Variants in EVC2 observed in about 807,000 individuals in gnomAD.
EVC2 encodes the protein limbin.
Under a neutral mutation model 149.3 loss-of-function variants are expected in EVC2, and 148 were observed. The ratio of observed to expected loss-of-function variants is 0.99; its 90% CI spans 0.87 to 1.14. EVC2 has a LOEUF of 1.14. Among genes scored for constraint, EVC2 ranks in the 50% most tolerant of loss-of-function variants. The pLI is 0.00. For missense variants in EVC2, 1,854 were observed against 1,627.3 expected, an observed-to-expected ratio of 1.14 and a Z score of -2.40; for synonymous variants, 776 against 649.9, an observed-to-expected ratio of 1.19 and a Z score of -2.95.
chr4:5,591,242 C>A (rs1256796280), intron 16 of EVC2, among the ~76,000 whole-genome samples: 1 of 152,144 alleles, frequency 6.6e-6, no homozygotes, highest in East Asian at 1.9e-4. Flanking sequence ...TTCCTTTGCC[C>A]CTTTCTCTAA....
At chr4:5,624,132 A>G (rs2108841030) in intron 13 of EVC2, among the ~76,000 whole-genome samples, 1 of 152,304 alleles carries the variant, frequency 6.6e-6, no homozygotes, top group African/African-American at 2.4e-5. Flanking sequence ...AGGTTAAGAA[A>G]TGGGGAAAGA....
intron 7 of EVC2, among the ~76,000 whole-genome samples, chr4:5,676,085 G>A (rs1158121320): frequency 6.6e-6 from 1 of 152,164 alleles, no homozygotes. Context: ...CTGGTGCCCG[G>A]CACAGTACCC....
At chr4:5,673,015 T>A (rs1434999442) in intron 7 of EVC2, among the ~76,000 whole-genome samples, 1 of 152,148 alleles carries the variant, frequency 6.6e-6, no homozygotes, top group Non-Finnish European at 1.5e-5. Flanking sequence ...AAGTCACCAA[T>A]GGGTACCAAG....
At position 5,688,639 on chromosome 4, in the gene EVC2, C is replaced by G. The variant is rs1236897504; in HGVS notation, c.706+518G>C. Among the ~76,000 whole-genome samples, 3 of 152,142 alleles carry G rather than the reference C, an allele frequency of 2.0e-5. No individual in the cohort carries two copies. In the East Asian group the frequency reaches 5.8e-4, roughly 29 times the overall value. On this transcript the variant is annotated intron_variant, in intron 5 of 21. Transcript: ENST00000344408. ...CAACCAGTGAGGGTGGCAGAGTCTA[C>G]AAGCCAACCAAGCAGCCCTGGAGTT...
At chr4:5,599,332 C>T (rs934658426) in intron 16 of EVC2, among the ~76,000 whole-genome samples, 2 of 151,854 alleles carry the variant, frequency 1.3e-5, no homozygotes, top group African/African-American at 4.8e-5. Flanking sequence ...AAATGGCCAA[C>T]AATGATAGAC....
intron 16 of EVC2, among the ~76,000 whole-genome samples, chr4:5,590,836 T>C (rs561977518): frequency 1.3e-5 from 2 of 152,250 alleles, no homozygotes; most frequent in East Asian, 1.9e-4. Flanking sequence ...AGAAATTTAA[T>C]TGCCTCCCCA....
chr4:5,669,675 G>A (rs1469614519), intron 7 of EVC2, among the ~76,000 whole-genome samples: 1 of 152,202 alleles, frequency 6.6e-6, no homozygotes, highest in East Asian at 1.9e-4. Context: ...GGACAGGTGA[G>A]TCAGGCTACC....
intron 8 of EVC2, among the ~76,000 whole-genome samples, chr4:5,663,992 A>G (rs1377724493): frequency 6.6e-6 from 1 of 152,118 alleles, no homozygotes; most frequent in African/African-American, 2.4e-5. Flanking sequence ...AATAAGCCCA[A>G]CCCTCTGATT....
intron 10 of EVC2, among the ~76,000 whole-genome samples, chr4:5,635,432 T>C (rs887040162): frequency 2.0e-5 from 3 of 152,148 alleles, no homozygotes; most frequent in East Asian, 3.8e-4. Flanking sequence ...ATGCATCCTA[T>C]GGCTTCCAAC....
At chr4:5,563,800 C>T (rs1450766643) in intron 21 of EVC2, among the ~76,000 whole-genome samples, 1 of 152,118 alleles carries the variant, frequency 6.6e-6, no homozygotes, top group Non-Finnish European at 1.5e-5. Context: ...TATGAGTACA[C>T]CTATGAGCCT....
At position 5,694,425 on chromosome 4, in the gene EVC2, A is replaced by G; in HGVS notation, c.360T>C (p.Ser120=). The part of the protein sequence containing the change: ...FIPLSTSAAS[S]GPWAHSLFAF... ...CAAATAAGGAATGAGCCCATGGCCC[A>G]CTAGAGGCTGCAGAAGTTGAGAGTG... is the stretch of plus-strand genomic sequence containing the variant. The change falls in exon 3 of 22, where the codon AGT becomes AGC. Residue 120 remains serine, a synonymous_variant. Coordinates refer to ENST00000344408, the MANE Select transcript of EVC2 (RefSeq NM_147127.5). 1 of 1,614,182 alleles carries G rather than the reference A, an allele frequency of 6.2e-7. No homozygotes were observed. The highest frequency in any genetic ancestry group is 8.5e-7 in the Non-Finnish European group (1 of 1,180,022).
chr4:5,646,948 C>T (rs765635476), intron 9 of EVC2, among the ~76,000 whole-genome samples: 1 of 152,176 alleles, frequency 6.6e-6, no homozygotes, highest in Non-Finnish European at 1.5e-5. Flanking sequence ...GAAAATGACT[C>T]TTGGAACTGG....
chr4:5,620,946 A>C (rs1715643382), intron 14 of EVC2, among the ~76,000 whole-genome samples: 1 of 152,258 alleles, frequency 6.6e-6, no homozygotes, highest in Admixed American at 6.5e-5. Flanking sequence ...TGGGAATAAG[A>C]AATGACATTT....
At chr4:5,698,296 G>T (rs1008511291) in intron 1 of EVC2, among the ~76,000 whole-genome samples, 2 of 152,128 alleles carry the variant, frequency 1.3e-5, no homozygotes, top group African/African-American at 4.8e-5. Context: ...TAAGCCAACA[G>T]CCTGCGAATT....
upstream of EVC2, chr4:5,708,732 G>C (rs1023317632): frequency 1.8e-5 from 8 of 446,214 alleles, no homozygotes; most frequent in Admixed American, 3.1e-4. Context: ...CCGGCGGCCA[G>C]GCCTGGGTTT....
At chr4:5,563,161 C>G in intron 21 of EVC2, 46 bp from the exon 22 acceptor site, 1 of 1,580,714 alleles carries the variant, frequency 6.3e-7, no homozygotes, top group East Asian at 2.2e-5. Flanking sequence ...TGGCAATGAA[C>G]CCTCTGGAGT....
At chr4:5,550,709 T>C (rs1721719977) in intron 21 of EVC2, among the ~76,000 whole-genome samples, 1 of 152,194 alleles carries the variant, frequency 6.6e-6, no homozygotes, top group Non-Finnish European at 1.5e-5. Flanking sequence ...GGGGAAAATG[T>C]CTCCAGGGCA....
chr4:5,622,721 G>A lies in EVC2; in HGVS notation c.2317C>T (p.Leu773=). ...CCGTGCTCCTCCAGGATCTGCTGCAGGAAGAGCCAGGGCACCCCACGCTTG... is the reference window on the plus strand; with the variant it reads ...CCGTGCTCCTCCAGGATCTGCTGCAAGAAGAGCCAGGGCACCCCACGCTTG... The part of the protein sequence containing the change: ...LLKRGVPWLF[L]QQILEEHGKE... Residue 773 remains leucine (L), a synonymous_variant, in exon 14 of 22, where the codon CTG becomes TTG. Transcript: ENST00000344408. The surrounding 1 kb of genome is among the most constrained non-coding windows in gnomAD (Gnocchi z 5.8). 1 of 1,614,104 alleles carries A rather than the reference G, an allele frequency of 6.2e-7. No individual in the cohort carries two copies. Among genetic ancestry groups the A allele is most frequent in the Non-Finnish European group, 8.5e-7 (1 of 1,180,020 alleles).
chr4:5,681,425 C>G (rs1316133499), intron 6 of EVC2, 112 bp from the exon 7 acceptor site: 1 of 1,081,872 alleles, frequency 9.2e-7, no homozygotes, highest in Non-Finnish European at 1.4e-6. Flanking sequence ...TCAGCCCTAA[C>G]TGCTGCACAG....
Sources: allele counts gnomAD v4.1 joint callset (sites outside exome capture counted in the v4.1 genomes callset), GRCh38; gene constraint gnomAD v4.1.1; non-coding constraint Gnocchi (gnomAD v3.1); transcripts MANE v1.5; gene names NCBI Gene and HGNC (gene_info 2026-07-23, HGNC 2026-07-21).